The following PRKD3 variants were observed in gnomAD, a reference collection of about 807,000 sequenced individuals.
PRKD3 encodes the protein protein kinase D3, also known as serine/threonine-protein kinase D3.
Under a neutral mutation model 99.2 loss-of-function variants are expected in PRKD3, and 47 were observed. The ratio of observed to expected loss-of-function variants is 0.47; its 90% confidence interval spans 0.38 to 0.60. The LOEUF (loss-of-function observed/expected upper bound fraction) is 0.60, where lower values mean the gene tolerates loss of function less well. Ranked by LOEUF, PRKD3 falls within the 20% of genes least tolerant of loss-of-function variation. The probability of loss-of-function intolerance (pLI) is 0.00; values close to 1 mark genes in which losing one functional copy is unlikely to be tolerated. For synonymous variants in PRKD3, 392 were observed against 355.4 expected, an observed-to-expected ratio of 1.10 and a Z score of -1.16; for missense variants, 1,019 against 1,088.4, an observed-to-expected ratio of 0.94 and a Z score of 0.90.
chr2:37,255,531 A>G (rs1667861963), intron 17 of PRKD3, among the ~76,000 whole-genome samples: 1 of 152,182 alleles, frequency 6.6e-6, no homozygotes, highest in Non-Finnish European at 1.5e-5. Context: ...TAGGCAGGAA[A>G]AAGAGATGTA....
In PRKD3 at chr2:37,256,655, T is replaced by TACA. The variant is rs2148481733; in HGVS notation, c.2413+6_2413+7insTGT. On this transcript the variant is annotated splice_region_variant and intron_variant, in intron 17 of 18. Coordinates refer to ENST00000234179, the MANE Select transcript of PRKD3 (RefSeq NM_005813.6). ...TTTTTTTTTTTTTTTTTTTTTTTTT[T>TACA]TTTTACCTTCACCAGAAATTTCTCT... 7.5e-7 allele frequency: 1 copy of TACA among 1,342,228 alleles called. No homozygotes were observed. The highest frequency in any genetic ancestry group is 9.7e-7 in the Non-Finnish European group (1 of 1,031,772). The allele number at this position is 1,342,228 out of a possible 1,614,324, so 83.1% of individuals were successfully genotyped here.
intron 9 of PRKD3, 137 bp downstream of exon 9, chr2:37,277,729 A>T: frequency 1.2e-6 from 1 of 860,456 alleles, no homozygotes; most frequent in Non-Finnish European, 1.7e-6. Flanking sequence ...CTATAATTCC[A>T]GTGCATCTTT....
intron 2 of PRKD3, among the ~76,000 whole-genome samples, chr2:37,296,376 A>G (rs1363196897): frequency 6.6e-6 from 1 of 152,228 alleles, no homozygotes. Context: ...TTACAGTGAG[A>G]TATTACAAAA....
intron 10 of PRKD3, 37 bp from the exon 11 acceptor site, chr2:37,274,734 G>C: frequency 7.7e-6 from 12 of 1,563,086 alleles, no homozygotes; most frequent in Non-Finnish European, 1.0e-5. Context: ...AATAAGAATA[G>C]ATCTTTGTTT....
chr2:37,320,742 A>G (rs1271362548), intron 1 of PRKD3, among the ~76,000 whole-genome samples: 3 of 152,012 alleles, frequency 2.0e-5, no homozygotes, highest in African/African-American at 2.4e-5. Flanking sequence ...CAAATTAACT[A>G]CTTCTACTTT....
intron 10 of PRKD3, 29 bp from the exon 11 acceptor site, chr2:37,274,726 TAAG>T: frequency 1.3e-6 from 2 of 1,582,770 alleles, no homozygotes; most frequent in Non-Finnish European, 1.7e-6. Context: ...CATTGAAAAA[TAAG>T]AATAGATCTT....
intron 11 of PRKD3, among the ~76,000 whole-genome samples, chr2:37,272,891 G>A (rs1558541720): frequency 1.3e-5 from 2 of 151,642 alleles, no homozygotes; most frequent in Admixed American, 6.6e-5. Flanking sequence ...GCTGAGACAG[G>A]AGGATCTGAG....
At chr2:37,263,894 G>C (rs573997129) in intron 14 of PRKD3, among the ~76,000 whole-genome samples, 1 of 152,186 alleles carries the variant, frequency 6.6e-6, no homozygotes, top group Non-Finnish European at 1.5e-5. Context: ...CTTTGGGGTA[G>C]CTTCCAAGAT....
rs1482650803 is a variant in PRKD3 at position 37,316,737 on chromosome 2, C to T, written c.-213G>A. On this transcript the variant is annotated 5_prime_UTR_variant, in exon 2 of 19. The change abolishes an upstream ATG in the 5' untranslated region. Transcript: ENST00000234179. ...GTCCTATTTCTCTTAATATCAGTCC[C>T]ATCAAAAAGCAGTCTTGTCTGTAGG... The T allele has an allele frequency of 7.2e-7, 1 of 1,387,114 alleles. No homozygotes were observed. Among genetic ancestry groups the T allele is most frequent in the African/African-American group, 1.5e-5 (1 of 68,760 alleles). The allele number at this position is 1,387,114 out of a possible 1,614,324, so 85.9% of individuals were successfully genotyped here.
intron 2 of PRKD3, among the ~76,000 whole-genome samples, chr2:37,299,951 C>G (rs1187598960): frequency 6.6e-6 from 1 of 152,026 alleles, no homozygotes; most frequent in Admixed American, 6.6e-5. Flanking sequence ...TAAATCAGTA[C>G]AGTCACTATG....
intron 2 of PRKD3, among the ~76,000 whole-genome samples, chr2:37,295,788 A>G (rs765046133): frequency 6.6e-6 from 1 of 152,210 alleles, no homozygotes. Context: ...GAGACGAGAC[A>G]TAAGGTTTCA....
chr2:37,267,188 T>G (rs1668903047), intron 14 of PRKD3, among the ~76,000 whole-genome samples: 1 of 152,144 alleles, frequency 6.6e-6, no homozygotes, highest in African/African-American at 2.4e-5. Context: ...TGGCAAAGTA[T>G]CCTAAGTATT....
chr2:37,312,449 C>T (rs534336828), intron 2 of PRKD3, among the ~76,000 whole-genome samples: 5 of 152,300 alleles, frequency 3.3e-5, no homozygotes, highest in South Asian at 2.1e-4. Flanking sequence ...GCTTTTCTAT[C>T]GTACTACATA....
At chr2:37,257,102 C>A (rs143602928) in intron 16 of PRKD3, among the ~76,000 whole-genome samples, 173 bp from the exon 17 acceptor site, 1 of 152,124 alleles carries the variant, frequency 6.6e-6, no homozygotes, top group Non-Finnish European at 1.5e-5. Flanking sequence ...AAGGCAGACA[C>A]ATTTATAGCC....
At chr2:37,292,460 C>G (rs905592532) in intron 3 of PRKD3, among the ~76,000 whole-genome samples, 2 of 151,956 alleles carry the variant, frequency 1.3e-5, no homozygotes, top group Non-Finnish European at 2.9e-5. Flanking sequence ...ATTCTCCTGC[C>G]TGAGCCTCCC....
chr2:37,260,682 TAATTTC>T (rs1413276735), intron 14 of PRKD3, among the ~76,000 whole-genome samples: 1 of 152,206 alleles, frequency 6.6e-6, no homozygotes, highest in Admixed American at 6.5e-5. Flanking sequence ...GACACTGCTC[TAATTTC>T]ATGCTTTCCC....
chr2:37,254,369 C>G (rs886260133), intron 17 of PRKD3, 80 bp from the exon 18 acceptor site: 11 of 1,067,914 alleles, frequency 1.0e-5, no homozygotes, highest in Middle Eastern at 2.0e-4. Flanking sequence ...GAAGGCAGTT[C>G]AACCCATAGA....
chr2:37,274,415 G>C lies in PRKD3; in HGVS notation c.1651+6C>G. On this transcript the variant is annotated splice_donor_region_variant and intron_variant, in intron 11 of 18. Coordinates refer to ENST00000234179, the MANE Select transcript of PRKD3 (RefSeq NM_005813.6). ...AGAAAAAGCCATCAAGAAGTTTATT[G>C]CTTACTGTGATCTTTCCCTTGCCCT... is the stretch of plus-strand genomic sequence containing the variant. 3.7e-6 allele frequency: 6 copies of C among 1,613,798 alleles called. No individual in the cohort carries two copies. Among genetic ancestry groups the C allele is most frequent in the Non-Finnish European group, 4.2e-6 (5 of 1,179,796 alleles).
chr2:37,274,729 G>T, intron 10 of PRKD3, 32 bp from the exon 11 acceptor site: 2 of 1,575,358 alleles, frequency 1.3e-6, no homozygotes, highest in Non-Finnish European at 1.7e-6. Context: ...TGAAAAATAA[G>T]AATAGATCTT....
Sources: allele counts gnomAD v4.1 joint callset (sites outside exome capture counted in the v4.1 genomes callset), GRCh38; gene constraint gnomAD v4.1.1; transcripts MANE v1.5; gene names NCBI Gene and HGNC (gene_info 2026-07-23, HGNC 2026-07-21).